TRPM7: variants seen among roughly 807,000 people sequenced by gnomAD.
TRPM7 encodes the protein LTRPC ion channel family member 7.
Under a neutral mutation model 229.7 loss-of-function variants are expected in TRPM7, and 134 were observed. The ratio of observed to expected loss-of-function variants is 0.58; its 90% CI spans 0.51 to 0.67. The LOEUF (loss-of-function observed/expected upper bound fraction) is 0.67, where lower values mean the gene tolerates loss of function less well. TRPM7 is among the 30% of genes least tolerant of loss of function. The pLI is 0.00. For synonymous variants in TRPM7, 699 were observed against 715.2 expected, an observed-to-expected ratio of 0.98 and a Z score of 0.36; for missense variants, 1,901 against 2,210.0, an observed-to-expected ratio of 0.86 and a Z score of 2.80.
rs979855717 is a variant in TRPM7 at position 50,558,653 on chromosome 15, A to G, written c.*3025T>C. On this transcript the variant is annotated 3_prime_UTR_variant, in exon 39 of 39. Coordinates refer to ENST00000646667, the MANE Select transcript of TRPM7 (RefSeq NM_017672.6). ...GGTTGCAGTGAGCCAAGATTGTGCC[A>G]CTGTACTCCGGCCTGGGCAACAGAG... 3.9e-5 allele frequency: 6 copies of G among 152,190 alleles called. No individual in the cohort carries two copies. Among genetic ancestry groups the G allele is most frequent in the African/African-American group, 1.4e-4 (6 of 41,446 alleles). The allele number at this position is 152,190 out of a possible 1,614,324, so 9.4% of individuals were successfully genotyped here.
At position 50,616,013 on chromosome 15, in the gene TRPM7, G is replaced by C. The variant is rs1753444120; in HGVS notation, c.1495-1750C>G. Among the ~76,000 whole-genome samples the C allele has an allele frequency of 3.3e-5, 5 of 151,972 alleles. 1 individual carries two copies. The highest frequency in any genetic ancestry group is 9.7e-5 in the African/African-American group (4 of 41,348). On this transcript the variant is annotated intron_variant, in intron 13 of 38. Coordinates refer to ENST00000646667, the MANE Select transcript of TRPM7 (RefSeq NM_017672.6). ...ATACCTATTTCCATCTTGAATACAA[G>C]ATTTTTGGTTTTAACTCAAGCAATC...
intron 29 of TRPM7, among the ~76,000 whole-genome samples, chr15:50,581,423 TG>T (rs2054404539): frequency 6.6e-6 from 1 of 151,748 alleles, no homozygotes; most frequent in Non-Finnish European, 1.5e-5. Flanking sequence ...CACTTGAATC[TG>T]GGAGGTGGAG....
intron 21 of TRPM7, among the ~76,000 whole-genome samples, chr15:50,601,508 G>T (rs2059779102): frequency 6.6e-6 from 1 of 152,078 alleles, no homozygotes; most frequent in Admixed American, 6.5e-5. Context: ...CGGGCATGGT[G>T]GCGCACACCT....
chr15:50,572,293 T>C (rs1483574814), intron 36 of TRPM7, among the ~76,000 whole-genome samples: 4 of 152,072 alleles, frequency 2.6e-5, no homozygotes, highest in Non-Finnish European at 2.9e-5. Context: ...CTCTATTTTT[T>C]AAAAAAGAAA....
chr15:50,630,959 A>C (rs2060712858), intron 10 of TRPM7, among the ~76,000 whole-genome samples: 1 of 152,188 alleles, frequency 6.6e-6, no homozygotes, highest in Admixed American at 6.5e-5. Flanking sequence ...CAGCCTCCCA[A>C]GTAGCTGGGA....
Position 50,578,655 on chromosome 15 carries a change from T to TAC in TRPM7, c.4601_4602insGT (p.Glu1535Ter). 6.2e-7 allele frequency: 1 copy of TAC among 1,609,208 alleles called. No individual in the cohort carries two copies. The highest frequency in any genetic ancestry group is 8.5e-7 in the Non-Finnish European group (1 of 1,177,104). The stretch of plus-strand genomic sequence containing the variant: ...CAGACTCACCATTTAATGTTCCTTC[T>TAC]TCAGATGGCCTAAAGAAACACCAAA... On this transcript the variant is annotated frameshift_variant, in exon 31 of 39. Transcript: ENST00000646667. LOFTEE classifies it high-confidence loss of function.
intron 16 of TRPM7, 45 bp from the exon 17 acceptor site, chr15:50,611,366 C>T (rs2140474746): frequency 3.5e-6 from 5 of 1,421,426 alleles, no homozygotes; most frequent in Non-Finnish European, 4.9e-6. Context: ...TAACAAACTG[C>T]AATTTTAAAC....
At position 50,575,914 on chromosome 15, in the gene TRPM7, T is replaced by C. The variant is rs879893712; in HGVS notation, c.4624A>G (p.Thr1542Ala). Residue 1542 changes from threonine (T) to alanine (A), a missense_variant, in exon 32 of 39, where the codon ACT (threonine) becomes GCT (alanine). Transcript: ENST00000646667. ...PSEEGTLNGL[T>A]SPFKPAMDTN... ...TCCATAGCTGGCTTAAATGGAGAAG[T>C]GAGACCTAGAATGGCAAATAAACAA... is the stretch of plus-strand genomic sequence containing the variant. The C allele has an allele frequency of 4.3e-6, 7 of 1,613,166 alleles. No homozygotes were observed. Among genetic ancestry groups the C allele is most frequent in the Admixed American group, 1.7e-5 (1 of 59,962 alleles).
intron 36 of TRPM7, among the ~76,000 whole-genome samples, chr15:50,573,441 T>C (rs74014328): frequency 0.014 from 2,194 of 152,314 alleles, 62 homozygotes; most frequent in African/African-American, 0.051. Context: ...ACCTCAGACA[T>C]TTGACTCCAG....
At position 50,564,248 on chromosome 15, in the gene TRPM7, A is replaced by AAAAATAAAATAAAATAAAATAAAAT. The variant is rs58216853; in HGVS notation, c.5468-2465_5468-2441dup. Reference sequence around the variant, plus strand: ...TGGGTGACAGAGTGAGACTGTCTCAAAAAATAAAATAAAATAAAATAAAAT... The same window carrying AAAAATAAAATAAAATAAAATAAAAT: ...TGGGTGACAGAGTGAGACTGTCTCAAAAAATAAAATAAAATAAAATAAAATAAAATAAAATAAAATAAAATAAAAT... On this transcript the variant is annotated intron_variant, in intron 38 of 38. Coordinates refer to ENST00000646667, the MANE Select transcript of TRPM7 (RefSeq NM_017672.6). Among the ~76,000 whole-genome samples, 89 of 124,802 alleles carry AAAAATAAAATAAAATAAAATAAAAT rather than the reference A, an allele frequency of 7.1e-4. 1 individual carries two copies. Among genetic ancestry groups the AAAAATAAAATAAAATAAAATAAAAT allele is most frequent in the African/African-American group, 3.0e-3 (88 of 29,344 alleles). The allele number at this position is 124,802 out of a possible 152,430, so 81.9% of individuals were successfully genotyped here.
intron 6 of TRPM7, among the ~76,000 whole-genome samples, chr15:50,638,567 T>TA (rs941511112): frequency 5.3e-5 from 8 of 151,594 alleles, no homozygotes; most frequent in Admixed American, 4.6e-4. Flanking sequence ...AAAGACACTG[T>TA]AAAAAACAAT....
rs140117526 is a variant in TRPM7, at chr15:50,639,456, T to C, written c.628A>G (p.Ile210Val). The change falls in exon 6 of 39, where the codon ATT becomes GTT. Residue 210 changes from isoleucine to valine, a missense_variant. Physicochemically the swap from Ile to Val is conservative, Grantham distance 29 (BLOSUM62 3). This residue lies in a region of TRPM7 where 794 missense variants were observed against 881.9 expected (regional missense o/e 0.90). Transcript: ENST00000646667. ...CCAACAAGATCATTTCTGTTTTCAA[T>C]CACTCCCCATGGAGCTATTCCGATA... ...CTIGIAPWGV[I>V]ENRNDLVGRD... 1.2e-5 allele frequency: 20 copies of C among 1,605,628 alleles called. No homozygotes were observed. The African/African-American group carries it at 2.4e-4, about 19-fold the overall frequency.
chr15:50,601,657 ATAAAG>A (rs1351296215), intron 21 of TRPM7, among the ~76,000 whole-genome samples: 3 of 152,228 alleles, frequency 2.0e-5, no homozygotes, highest in Non-Finnish European at 2.9e-5. Flanking sequence ...ATAAAATAAA[ATAAAG>A]TAAAATTTTT....
rs1281155536 is a variant in TRPM7 at position 50,577,925 on chromosome 15, TAAC to T, written c.4618+711_4618+713del. ...TCCACAGCAATATTGATGAATTTTA[TAAC>T]AATATGTTAAGAAGAAGAAGCAAGA... On this transcript the variant is annotated intron_variant, in intron 31 of 38. Transcript: ENST00000646667. Among the ~76,000 whole-genome samples the T allele has an allele frequency of 2.6e-5, 4 of 152,126 alleles. No individual in the cohort carries two copies. The East Asian group carries it at 5.8e-4, about 22-fold the overall frequency.
At chr15:50,597,613 T>C (rs980033345) in intron 22 of TRPM7, among the ~76,000 whole-genome samples, 2 of 152,088 alleles carry the variant, frequency 1.3e-5, no homozygotes, top group Non-Finnish European at 2.9e-5. Flanking sequence ...GTCATATCAT[T>C]AGAAAAATAG....
chr15:50,659,234 A>G (rs762436324), intron 2 of TRPM7, among the ~76,000 whole-genome samples: 51 of 152,016 alleles, frequency 3.4e-4, no homozygotes, highest in Non-Finnish European at 6.5e-4. Flanking sequence ...GATCGCCAAG[A>G]TAAGTTACAG....
At chr15:50,608,969 C>T (rs1178767145) in intron 19 of TRPM7, among the ~76,000 whole-genome samples, 1 of 152,150 alleles carries the variant, frequency 6.6e-6, no homozygotes, top group Non-Finnish European at 1.5e-5. Context: ...CAAAACAACA[C>T]ATAAACACCT....
chr15:50,639,552 T>C lies in TRPM7; in HGVS notation c.536-4A>G, dbSNP rs189266420. 1,544 of 1,599,550 alleles carry C rather than the reference T, an allele frequency of 9.7e-4. 21 individuals carry two copies. The South Asian group carries it at 0.011, about 11-fold the overall frequency. On this transcript the variant is annotated splice_polypyrimidine_tract_variant and splice_region_variant and intron_variant, in intron 5 of 38. Coordinates refer to ENST00000646667, the MANE Select transcript of TRPM7 (RefSeq NM_017672.6). ...TCTCCAACATGTTTTGCCACACCTG[T>C]TCATAAAAAAAGTTTATTCATTTTG... is the stretch of plus-strand genomic sequence containing the variant.
At chr15:50,602,114 C>T (rs914682281) in intron 21 of TRPM7, among the ~76,000 whole-genome samples, 1 of 151,734 alleles carries the variant, frequency 6.6e-6, no homozygotes, top group Non-Finnish European at 1.5e-5. Flanking sequence ...TTCACAATAG[C>T]AAAGACTTGG....
Sources: gnomAD v4.1 joint callset for allele counts (sites outside exome capture counted in the v4.1 genomes callset) on GRCh38, gnomAD v4.1.1 for gene constraint, gnomAD v4.1.1 regional missense constraint, MANE v1.5 for transcripts, NCBI Gene and HGNC (gene_info 2026-07-23, HGNC 2026-07-21) for gene names.